Variants in ADARB1 observed in about 807,000 individuals in gnomAD.
ADARB1 encodes the protein adenosine deaminase RNA specific B1.
ADARB1 carries 10 observed loss-of-function variants against 52.4 expected under a neutral mutation model. That is an observed-to-expected ratio of 0.19 (90% CI 0.12 to 0.32). The LOEUF is 0.32. Ranked by LOEUF, ADARB1 falls within the 10% of genes least tolerant of loss-of-function variation. ADARB1 has a pLI of 1.00. For missense variants in ADARB1, 643 were observed against 922.3 expected (o/e 0.70, Z 3.92); for synonymous variants, 349 against 371.1 (o/e 0.94, Z 0.68).
chr21:45,185,199 A>C, intron 8 of ADARB1, 108 bp downstream of exon 8: 1 of 1,390,148 alleles, frequency 7.2e-7, no homozygotes, highest in South Asian at 1.3e-5. Context: ...CCCATTTCCC[A>C]CTCAGGTGTT....
chr21:45,209,897 C>T (rs2092734286), intron 9 of ADARB1, among the ~76,000 whole-genome samples: 1 of 152,222 alleles, frequency 6.6e-6, no homozygotes, highest in Non-Finnish European at 1.5e-5. Flanking sequence ...GAGCAGAACT[C>T]ACAGGCCTGT....
At chr21:45,106,690 A>G (rs1279337987) in intron 1 of ADARB1, among the ~76,000 whole-genome samples, 3 of 152,224 alleles carry the variant, frequency 2.0e-5, no homozygotes, top group African/African-American at 4.8e-5. Flanking sequence ...TAACTTAACT[A>G]TAGTTAAACA....
chr21:45,223,958 G>A lies in ADARB1; in HGVS notation c.*1761G>A. On this transcript the variant is annotated 3_prime_UTR_variant, in exon 11 of 11. Coordinates refer to ENST00000348831, the MANE Select transcript of ADARB1 (RefSeq NM_001112.4). ...CGAAGAGGGTAGTTGTCTCCCTGAA[G>A]CAGTCACAGCAGGCGTCTCTGCCGC... The A allele has an allele frequency of 1.0e-6, 1 of 985,482 alleles. No homozygotes were observed. Among genetic ancestry groups the A allele is most frequent in the African/African-American group, 1.7e-5 (1 of 57,356 alleles). The allele number at this position is 985,482 out of a possible 1,614,324, so 61.0% of individuals were successfully genotyped here. A position where few individuals can be genotyped will look rare whatever the true frequency, so the allele number is the denominator to read the frequency against.
At chr21:45,184,839 T>C (rs1380794791) in intron 7 of ADARB1, 84 bp from the exon 8 acceptor site, 1 of 1,385,796 alleles carries the variant, frequency 7.2e-7, no homozygotes, top group African/African-American at 1.5e-5. Context: ...ATTTTAAATT[T>C]ATAAGCTATT....
intron 2 of ADARB1, among the ~76,000 whole-genome samples, chr21:45,148,106 G>A (rs1217469299): frequency 1.3e-5 from 2 of 152,172 alleles, no homozygotes; most frequent in South Asian, 2.1e-4. Context: ...GAGAACGGAG[G>A]CTCTGCTTCC....
At position 45,181,104 on chromosome 21, in the gene ADARB1, T is replaced by A. The variant is rs140315194; in HGVS notation, c.1078+660T>A. On this transcript the variant is annotated intron_variant, in intron 5 of 10. Transcript: ENST00000348831. ...GACCCCTGTCATGTGGGGCCGTCTC[T>A]GTACCCAGCATCTGCTCAGCCCAGC... Among the ~76,000 whole-genome samples, 841 of 152,312 alleles carry A rather than the reference T, an allele frequency of 5.5e-3. 5 individuals are homozygous for A. The highest frequency in any genetic ancestry group is 0.019 in the African/African-American group (781 of 41,574).
intron 1 of ADARB1, among the ~76,000 whole-genome samples, chr21:45,091,175 C>T (rs1476928470): frequency 6.6e-6 from 1 of 152,210 alleles, no homozygotes; most frequent in Non-Finnish European, 1.5e-5. Context: ...CTTTAAGTCA[C>T]GTGTTTTTTC....
intron 2 of ADARB1, among the ~76,000 whole-genome samples, chr21:45,132,825 A>T (rs1349375290): frequency 1.3e-5 from 2 of 152,202 alleles, no homozygotes. Context: ...TGTTACCTAG[A>T]GAGTGTTTTA....
rs1440330923 is a variant in ADARB1 at position 45,220,811 on chromosome 21, C to G, written c.1748-25C>G. ...CTGGGGGTGAAAGCGGGCTTCACAC[C>G]ACCTTCCTGTGTCTTCCGTTTCAGG... is the stretch of plus-strand genomic sequence containing the variant. On this transcript the variant is annotated intron_variant, in intron 9 of 10. Transcript: ENST00000348831. This position sits in a 1 kb window ranked among gnomAD's most constrained non-coding sequence, Gnocchi z 6.3. 1.2e-6 allele frequency: 2 copies of G among 1,606,630 alleles called. No homozygotes were observed. Among genetic ancestry groups the G allele is most frequent in the African/African-American group, 2.7e-5 (2 of 74,860 alleles).
At chr21:45,186,044 T>C (rs1240787826) in intron 8 of ADARB1, among the ~76,000 whole-genome samples, 1 of 152,236 alleles carries the variant, frequency 6.6e-6, no homozygotes. Flanking sequence ...GTGATGTGTT[T>C]ATTTATTATT....
intron 2 of ADARB1, among the ~76,000 whole-genome samples, chr21:45,155,999 CCAT>C (rs1224339270): frequency 3.0e-4 from 43 of 142,096 alleles, no homozygotes; most frequent in African/African-American, 1.1e-3. Flanking sequence ...TACCCATCAT[CCAT>C]CATCCACTCA....
chr21:45,210,776 A>T (rs1187535659), intron 9 of ADARB1, among the ~76,000 whole-genome samples: 2 of 152,252 alleles, frequency 1.3e-5, no homozygotes, highest in Non-Finnish European at 2.9e-5. Context: ...ATGGACGAAG[A>T]CAGTGCACGA....
chr21:45,183,074 A>G (rs549495099), intron 6 of ADARB1, among the ~76,000 whole-genome samples: 1 of 152,362 alleles, frequency 6.6e-6, no homozygotes, highest in East Asian at 1.9e-4. Context: ...CCGTTTCTAG[A>G]AAGAGCTAGT....
intron 2 of ADARB1, among the ~76,000 whole-genome samples, chr21:45,154,226 T>C (rs997646371): frequency 6.6e-6 from 1 of 152,242 alleles, no homozygotes; most frequent in Non-Finnish European, 1.5e-5. Context: ...GATGTAACAA[T>C]GAGGCCCACA....
chr21:45,077,867 T>A (rs1311641501), intron 1 of ADARB1, among the ~76,000 whole-genome samples: 1 of 152,206 alleles, frequency 6.6e-6, no homozygotes, highest in Non-Finnish European at 1.5e-5. Flanking sequence ...TTAAGATTCC[T>A]TCCTTATTCC....
chr21:45,152,599 G>A (rs1391302836), intron 2 of ADARB1: 1 of 419,380 alleles, frequency 2.4e-6, no homozygotes. Context: ...ACTGGCATTG[G>A]CGTGTCTGCA....
chr21:45,101,314 G>A (rs2123732245), intron 1 of ADARB1, among the ~76,000 whole-genome samples: 1 of 152,270 alleles, frequency 6.6e-6, no homozygotes, highest in Non-Finnish European at 1.5e-5. Flanking sequence ...CCGCAGCCCC[G>A]CGCCTGGCGC....
At chr21:45,163,922 T>TA (rs1263669061) in intron 2 of ADARB1, among the ~76,000 whole-genome samples, 4 of 152,226 alleles carry the variant, frequency 2.6e-5, no homozygotes, top group Non-Finnish European at 5.9e-5. Flanking sequence ...CACGTTGCCA[T>TA]AGCTGAGTTC....
Position 45,200,551 on chromosome 21 carries a change from A to C in ADARB1, c.1566-4004A>C, listed in dbSNP as rs879471797. On this transcript the variant is annotated intron_variant, in intron 8 of 10. Coordinates refer to ENST00000348831, the MANE Select transcript of ADARB1 (RefSeq NM_001112.4). This position sits in a 1 kb window ranked among gnomAD's most constrained non-coding sequence, Gnocchi z 5.0. ...CCAGAGCACTGTGTTGGGCAGACTC[A>C]AAGGCACGCACAGGAAGGGGGATGG... Among the ~76,000 whole-genome samples, 113 of 152,294 alleles carry C rather than the reference A, an allele frequency of 7.4e-4. No homozygotes were observed. Among genetic ancestry groups the C allele is most frequent in the Non-Finnish European group, 7.9e-4 (54 of 68,020 alleles).
Sources: allele counts gnomAD v4.1 joint callset (sites outside exome capture counted in the v4.1 genomes callset), GRCh38; gene constraint gnomAD v4.1.1; non-coding constraint Gnocchi (gnomAD v3.1); transcripts MANE v1.5; gene names NCBI Gene and HGNC (gene_info 2026-07-23, HGNC 2026-07-21).